The following CNTN4 variants were observed in gnomAD, a reference collection of about 807,000 sequenced individuals.
The protein encoded by CNTN4 is contactin 4, also known as contactin-4.
A neutral mutation model predicts 122.5 loss-of-function variants in CNTN4; 77 were observed. The observed-to-expected ratio is 0.63, with a 90% CI of 0.52 to 0.76. The LOEUF is 0.76. Among genes scored for constraint, CNTN4 ranks in the 30% least tolerant of loss-of-function variants. The pLI, the probability that CNTN4 is intolerant of heterozygous loss-of-function variation, is 0.00. For missense variants in CNTN4, 1,256 were observed against 1,259.1 expected (o/e 1.00, Z 0.04); for synonymous variants, 512 against 447.0 (o/e 1.15, Z -1.83).
intron 15 of CNTN4, among the ~76,000 whole-genome samples, chr3:3,027,501 T>C (rs1285755802): frequency 1.3e-5 from 2 of 152,132 alleles, no homozygotes; most frequent in Non-Finnish European, 2.9e-5. Flanking sequence ...TTGGAGATAT[T>C]GAATATCCTG....
rs552540203 is a variant in CNTN4 at position 2,885,656 on chromosome 3, T to C, written c.756-1384T>C. On this transcript the variant is annotated intron_variant, in intron 9 of 24. Transcript: ENST00000418658. ...TTATGGAAATATATTGTTTCTGTTATCTATTGCTACATAACCAACTTAGAG... is the reference window on the plus strand; with the variant it reads ...TTATGGAAATATATTGTTTCTGTTACCTATTGCTACATAACCAACTTAGAG... 6.9e-4 allele frequency among the ~76,000 whole-genome samples: 105 copies of C among 152,360 alleles called. 1 individual carries two copies. Among genetic ancestry groups the C allele is most frequent in the African/African-American group, 2.1e-3 (86 of 41,598 alleles).
At chr3:2,955,987 A>G (rs1315825862) in intron 13 of CNTN4, among the ~76,000 whole-genome samples, 3 of 152,224 alleles carry the variant, frequency 2.0e-5, no homozygotes, top group Non-Finnish European at 1.5e-5. Flanking sequence ...AGATATTTGT[A>G]CATCCATGTT....
rs114820798 is a variant in CNTN4, at chr3:2,788,565, A to C, written c.359-30921A>C. Among the ~76,000 whole-genome samples, 1,235 of 152,352 alleles carry C rather than the reference A, an allele frequency of 8.1e-3. 15 individuals carry two copies. Among genetic ancestry groups the C allele is most frequent in the African/African-American group, 0.028 (1,144 of 41,578 alleles). ...ATTTTTAAATACTATTATTTGGCTA[A>C]GTATTCTCCACAATCTTTGGAAAAA... On this transcript the variant is annotated intron_variant, in intron 6 of 24. Coordinates refer to ENST00000418658, the MANE Select transcript of CNTN4 (RefSeq NM_175607.3).
chr3:2,174,827 C>T (rs1434654817), intron 2 of CNTN4, among the ~76,000 whole-genome samples: 1 of 152,082 alleles, frequency 6.6e-6, no homozygotes, highest in Non-Finnish European at 1.5e-5. Flanking sequence ...AAAGCAGGAG[C>T]GGGCACATCA....
intron 13 of CNTN4, among the ~76,000 whole-genome samples, chr3:2,985,816 G>A (rs1484551746): frequency 3.9e-5 from 6 of 152,016 alleles, no homozygotes; most frequent in Admixed American, 2.6e-4. Flanking sequence ...CAAACAGAAG[G>A]CAGAAGGCTG....
intron 4 of CNTN4, among the ~76,000 whole-genome samples, chr3:2,598,761 A>G (rs2080889815): frequency 6.6e-6 from 1 of 151,922 alleles, no homozygotes; most frequent in Admixed American, 6.6e-5. Flanking sequence ...TGATGTGTTT[A>G]TTTGTGCATG....
chr3:2,142,364 T>G (rs1356652205), intron 2 of CNTN4, among the ~76,000 whole-genome samples: 1 of 152,152 alleles, frequency 6.6e-6, no homozygotes, highest in African/African-American at 2.4e-5. Flanking sequence ...TTCCTTTTTT[T>G]TTCTTTCTTT....
intron 4 of CNTN4, among the ~76,000 whole-genome samples, chr3:2,684,187 T>A (rs986633312): frequency 6.6e-6 from 1 of 152,152 alleles, no homozygotes; most frequent in African/African-American, 2.4e-5. Context: ...TAACATCCAT[T>A]AGCACACCAT....
intron 3 of CNTN4, among the ~76,000 whole-genome samples, chr3:2,395,992 A>G (rs971696361): frequency 1.2e-4 from 18 of 151,870 alleles, no homozygotes; most frequent in Non-Finnish European, 4.4e-5. Flanking sequence ...CAGGAACACC[A>G]TATAACACAT....
intron 23 of CNTN4, among the ~76,000 whole-genome samples, chr3:3,049,411 A>G (rs181880810): frequency 1.3e-5 from 2 of 152,268 alleles, no homozygotes; most frequent in African/African-American, 4.8e-5. Context: ...AACCATGAAG[A>G]TAGGTACAGT....
intron 3 of CNTN4, among the ~76,000 whole-genome samples, chr3:2,431,371 C>T (rs897205212): frequency 3.3e-5 from 5 of 151,986 alleles, no homozygotes; most frequent in East Asian, 3.9e-4. Flanking sequence ...TTTATATGTA[C>T]GTGTATGTAG....
Position 3,056,429 on chromosome 3 carries a change from G to A in CNTN4, c.*209G>A. On this transcript the variant is annotated 3_prime_UTR_variant, in exon 25 of 25. Transcript: ENST00000418658. ...GAAGTTTCTTTGGAAACTCTGCAAT[G>A]CACTGAAGACATCTGTAATATGATG... 3.7e-6 allele frequency: 2 copies of A among 534,422 alleles called. No individual in the cohort carries two copies. The highest frequency in any genetic ancestry group is 3.0e-5 in the Admixed American group (1 of 33,396). 33.1% of individuals were successfully genotyped at this position (534,422 alleles called of 1,614,324 possible).
At chr3:2,729,562 AAG>A (rs1491137983) in intron 4 of CNTN4, among the ~76,000 whole-genome samples, 284 of 150,394 alleles carry the variant, frequency 1.9e-3, no homozygotes, top group African/African-American at 6.8e-3. Context: ...AAAAAAAAAA[AAG>A]AAGAGAAAAG....
chr3:2,137,549 G>A (rs375903888), intron 2 of CNTN4, among the ~76,000 whole-genome samples: 17 of 152,258 alleles, frequency 1.1e-4, no homozygotes, highest in South Asian at 1.0e-3. Flanking sequence ...GCCTGCAGGC[G>A]ATTCACTTGC....
chr3:2,496,951 A>T (rs961722247), intron 3 of CNTN4, among the ~76,000 whole-genome samples: 5 of 152,164 alleles, frequency 3.3e-5, no homozygotes, highest in African/African-American at 1.2e-4. Flanking sequence ...AAAGGCAGAC[A>T]AAGATGGATG....
rs143011663 is a variant in CNTN4, at chr3:3,057,881, G to A, written c.*1661G>A. 2 of 152,626 alleles carry A rather than the reference G, an allele frequency of 1.3e-5. No homozygotes were observed. The highest frequency in any genetic ancestry group is 1.9e-4 in the East Asian group (1 of 5,188). 9.5% of individuals were successfully genotyped at this position (152,626 alleles called of 1,614,324 possible). A position where few individuals can be genotyped will look rare whatever the true frequency, so the allele number is the denominator to read the frequency against. Reference sequence around the variant, plus strand: ...CACCCAGGGAGTTCCCAACCCCAGTGTAAATGATATTTACCAGTGATCTAG... The same window carrying A: ...CACCCAGGGAGTTCCCAACCCCAGTATAAATGATATTTACCAGTGATCTAG... On this transcript the variant is annotated 3_prime_UTR_variant, in exon 25 of 25. Transcript: ENST00000418658.
At chr3:2,827,293 G>C (rs2093007156) in intron 7 of CNTN4, among the ~76,000 whole-genome samples, 1 of 152,082 alleles carries the variant, frequency 6.6e-6, no homozygotes, top group African/African-American at 2.4e-5. Flanking sequence ...CCACTATAAT[G>C]CCAACCAAAT....
intron 6 of CNTN4, among the ~76,000 whole-genome samples, chr3:2,792,557 A>G (rs1399755283): frequency 6.6e-6 from 1 of 152,236 alleles, no homozygotes; most frequent in African/African-American, 2.4e-5. Context: ...GAATGCTAGA[A>G]GCCAATTGAA....
chr3:2,932,693 G>A (rs1209281225), intron 13 of CNTN4, among the ~76,000 whole-genome samples: 1 of 152,088 alleles, frequency 6.6e-6, no homozygotes, highest in African/African-American at 2.4e-5. Flanking sequence ...TGTTACTGGT[G>A]CTCTTCCAAA....
Sources: gnomAD v4.1 joint callset for allele counts (sites outside exome capture counted in the v4.1 genomes callset) on GRCh38, gnomAD v4.1.1 for gene constraint, MANE v1.5 for transcripts, NCBI Gene and HGNC (gene_info 2026-07-23, HGNC 2026-07-21) for gene names.